The following IMPA2 variants were observed in gnomAD, a reference collection of about 807,000 sequenced individuals.
IMPA2 encodes the protein inositol monophosphatase 2, also known as IMP 2.
A neutral mutation model predicts 35.1 loss-of-function variants in IMPA2; 32 were observed. The observed-to-expected ratio is 0.91, with a 90% CI of 0.69 to 1.23. The LOEUF (loss-of-function observed/expected upper bound fraction) is 1.23. Among genes scored for constraint, IMPA2 ranks in the 50% most tolerant of loss-of-function variants. The pLI is 0.00. For synonymous variants in IMPA2, 135 were observed against 160.6 expected (o/e 0.84, Z 1.20); for missense variants, 334 against 387.6 (o/e 0.86, Z 1.16).
At chr18:12,028,754 C>A in intron 6 of IMPA2, 88 bp from the exon 7 acceptor site, 1 of 1,448,420 alleles carries the variant, frequency 6.9e-7, no homozygotes, top group Non-Finnish European at 9.3e-7. Flanking sequence ...GGAAAATGCC[C>A]AGCCGGGGTA....
chr18:12,010,746 C>T lies in IMPA2; in HGVS notation c.335+759C>T, dbSNP rs189994391. Among the ~76,000 whole-genome samples, 242 of 152,322 alleles carry T rather than the reference C, an allele frequency of 1.6e-3. 1 individual carries two copies. The highest frequency in any genetic ancestry group is 5.7e-3 in the African/African-American group (236 of 41,580). On this transcript the variant is annotated intron_variant, in intron 3 of 7. Transcript: ENST00000269159. The surrounding 1 kb of genome is among the most constrained non-coding windows in gnomAD (Gnocchi z 4.8). ...CAGTGCACGCCAGCACACTAGGCTG[C>T]ACGCGCTAAGCAGGAAGGGTGAGCA...
intron 4 of IMPA2, among the ~76,000 whole-genome samples, chr18:12,012,973 A>G (rs945929038): frequency 6.6e-6 from 1 of 152,242 alleles, no homozygotes; most frequent in Non-Finnish European, 1.5e-5. Context: ...TAAGCTGAAG[A>G]TAAGTAAGAA....
intron 2 of IMPA2, among the ~76,000 whole-genome samples, chr18:12,007,587 CT>C (rs1429383615): frequency 6.4e-5 from 9 of 141,088 alleles, no homozygotes; most frequent in African/African-American, 1.4e-4. Context: ...TCTTTCTTTT[CT>C]TTTCTTTCTT....
intron 5 of IMPA2, among the ~76,000 whole-genome samples, chr18:12,026,092 T>C (rs1356878800): frequency 2.7e-5 from 4 of 149,916 alleles, no homozygotes; most frequent in Non-Finnish European, 4.4e-5. Flanking sequence ...TGGAATGCAA[T>C]GGTGTGATCT....
chr18:12,009,828 G>A (rs1007185498), intron 2 of IMPA2, 55 bp from the exon 3 acceptor site: 21 of 1,354,568 alleles, frequency 1.6e-5, no homozygotes, highest in Non-Finnish European at 2.2e-5. Flanking sequence ...GCAATTTCAG[G>A]CACGTTATTC....
chr18:12,030,171 C>T (rs530346286), intron 7 of IMPA2, among the ~76,000 whole-genome samples, 172 bp from the exon 8 acceptor site: 2 of 152,264 alleles, frequency 1.3e-5, no homozygotes, highest in Non-Finnish European at 2.9e-5. Flanking sequence ...CTCCATCCCT[C>T]TATTCTTTGC....
At chr18:11,994,553 T>C (rs1387304092) in intron 1 of IMPA2, among the ~76,000 whole-genome samples, 1 of 152,196 alleles carries the variant, frequency 6.6e-6, no homozygotes, top group East Asian at 1.9e-4. Context: ...CACAGCTGTG[T>C]ATGTTTTGAA....
chr18:11,985,579 GTC>G (rs1419701629), intron 1 of IMPA2, among the ~76,000 whole-genome samples: 3 of 152,212 alleles, frequency 2.0e-5, no homozygotes, highest in African/African-American at 7.2e-5. Flanking sequence ...TTGTAAGTGA[GTC>G]TGTTTTTCAC....
rs999452903 is a variant in IMPA2, at chr18:11,987,523, G to A, written c.96+5758G>A. Among the ~76,000 whole-genome samples, 6 of 151,998 alleles carry A rather than the reference G, an allele frequency of 3.9e-5. No homozygotes were observed. In the South Asian group the frequency reaches 6.2e-4, roughly 16 times the overall value. ...TTTTTGTATTTTTAGTAGAGACGGC[G>A]TTTCACCATATTGGCCAGGCTGATC... On this transcript the variant is annotated intron_variant, in intron 1 of 7. Coordinates refer to ENST00000269159, the MANE Select transcript of IMPA2 (RefSeq NM_014214.3).
chr18:12,029,003 C>T lies in IMPA2; in HGVS notation c.751+10C>T. 9.3e-6 allele frequency: 15 copies of T among 1,611,448 alleles called. No homozygotes were observed. Among genetic ancestry groups the T allele is most frequent in the Non-Finnish European group, 1.3e-5 (15 of 1,179,438 alleles). ...GTGATAGACACTTCGGGTGAGCTCT[C>T]CTGTCCCTGAAATGCAGCGGCAGAA... On this transcript the variant is annotated intron_variant, in intron 7 of 7. Transcript: ENST00000269159.
intron 2 of IMPA2, among the ~76,000 whole-genome samples, chr18:12,002,634 G>T (rs546715455): frequency 6.6e-6 from 1 of 151,856 alleles, no homozygotes; most frequent in African/African-American, 2.4e-5. Flanking sequence ...AATCAGCTGG[G>T]CATGCTGGTG....
intron 5 of IMPA2, among the ~76,000 whole-genome samples, chr18:12,019,797 T>C (rs1402033916): frequency 6.6e-6 from 1 of 152,128 alleles, no homozygotes; most frequent in African/African-American, 2.4e-5. Context: ...CATATTAATA[T>C]CACCACTCCT....
intron 5 of IMPA2, among the ~76,000 whole-genome samples, chr18:12,016,274 G>A (rs1053696062): frequency 7.2e-5 from 11 of 152,120 alleles, no homozygotes; most frequent in African/African-American, 2.7e-4. Context: ...ACCTAAACTG[G>A]CCCATTCAGG....
intron 1 of IMPA2, among the ~76,000 whole-genome samples, chr18:11,996,656 C>T (rs879302966): frequency 2.0e-5 from 3 of 152,112 alleles, no homozygotes; most frequent in Non-Finnish European, 2.9e-5. Flanking sequence ...GAAGTGAGCA[C>T]CCCTGCATCA....
rs376617529 is a variant in IMPA2 at position 11,993,804 on chromosome 18, G to T, written c.97-5250G>T. On this transcript the variant is annotated intron_variant, in intron 1 of 7. Coordinates refer to ENST00000269159, the MANE Select transcript of IMPA2 (RefSeq NM_014214.3). ...AGGGATCGTGTCCAAAGACATGGAG[G>T]TACAGGAGGGAGGACACTCGAGGGG... Among the ~76,000 whole-genome samples, 3 of 152,230 alleles carry T rather than the reference G, an allele frequency of 2.0e-5. No homozygotes were observed. In the East Asian group the frequency reaches 5.8e-4, roughly 29 times the overall value.
At chr18:12,029,112 T>G (rs930310853) in intron 7 of IMPA2, 119 bp downstream of exon 7, 7 of 677,586 alleles carry the variant, frequency 1.0e-5, no homozygotes, top group Admixed American at 7.7e-5. Flanking sequence ...GTTTCTGTTT[T>G]TTTTTTTTTT....
chr18:12,018,742 T>C (rs1335412296), intron 5 of IMPA2, among the ~76,000 whole-genome samples: 1 of 152,236 alleles, frequency 6.6e-6, no homozygotes, highest in African/African-American at 2.4e-5. Context: ...AATTTCTTTA[T>C]GTCTGGCTTA....
At chr18:12,013,396 G>A (rs765266161) in intron 4 of IMPA2, among the ~76,000 whole-genome samples, 3 of 152,216 alleles carry the variant, frequency 2.0e-5, no homozygotes, top group Non-Finnish European at 2.9e-5. Context: ...CTGAAAAAGC[G>A]TTGACTGAAT....
At chr18:12,023,145 G>A (rs549891266) in intron 5 of IMPA2, among the ~76,000 whole-genome samples, 1 of 152,170 alleles carries the variant, frequency 6.6e-6, no homozygotes, top group East Asian at 1.9e-4. Flanking sequence ...GCAAGAATGA[G>A]AAGGAATTAA....
Sources: allele counts gnomAD v4.1 joint callset (sites outside exome capture counted in the v4.1 genomes callset), GRCh38; gene constraint gnomAD v4.1.1; non-coding constraint Gnocchi (gnomAD v3.1); transcripts MANE v1.5; gene names NCBI Gene and HGNC (gene_info 2026-07-23, HGNC 2026-07-21).